The following NRXN1 variants were observed in gnomAD, a reference collection of about 807,000 sequenced individuals.
NRXN1 encodes the protein neurexin-1.
A neutral mutation model predicts 150.9 loss-of-function variants in NRXN1; 39 were observed. The observed-to-expected ratio is 0.26, with a 90% CI of 0.20 to 0.34. The LOEUF is 0.34. NRXN1 is among the 10% of genes least tolerant of loss of function. NRXN1 has a pLI of 1.00. For missense variants in NRXN1, 1,815 were observed against 1,949.9 expected (o/e 0.93, Z 1.30); for synonymous variants, 924 against 757.0 (o/e 1.22, Z -3.62).
At chr2:50,068,770 AT>A (rs915896665) in intron 19 of NRXN1, among the ~76,000 whole-genome samples, 24 of 152,062 alleles carry the variant, frequency 1.6e-4, no homozygotes, top group African/African-American at 5.8e-4. Flanking sequence ...CACAAAAAAT[AT>A]TTTTTTTACC....
At chr2:50,184,168 T>A (rs571103796) in intron 18 of NRXN1, among the ~76,000 whole-genome samples, 52 of 152,216 alleles carry the variant, frequency 3.4e-4, no homozygotes, top group African/African-American at 1.2e-3. Flanking sequence ...ACTTGAATAT[T>A]GTTTTAGTCC....
intron 17 of NRXN1, among the ~76,000 whole-genome samples, chr2:50,443,891 T>C (rs2086179513): frequency 6.6e-6 from 1 of 152,194 alleles, no homozygotes; most frequent in Admixed American, 6.5e-5. Context: ...TAGATTGCCA[T>C]TTGGAAATTT....
intron 19 of NRXN1, among the ~76,000 whole-genome samples, 196 bp from the exon 20 acceptor site, chr2:50,055,240 C>T (rs1277895143): frequency 1.3e-5 from 2 of 152,030 alleles, no homozygotes; most frequent in East Asian, 1.9e-4. Context: ...CAAAATTATT[C>T]CTATGTTAAT....
chr2:49,999,545 C>T (rs545454140), intron 21 of NRXN1, among the ~76,000 whole-genome samples: 6 of 152,122 alleles, frequency 3.9e-5, no homozygotes, highest in Middle Eastern at 3.4e-3. Flanking sequence ...AGGTTCTTTC[C>T]GTATAATTTC....
chr2:50,492,460 C>T (rs770099666), intron 15 of NRXN1, among the ~76,000 whole-genome samples: 40 of 152,130 alleles, frequency 2.6e-4, no homozygotes, highest in Non-Finnish European at 4.3e-4. Context: ...TACATGAGCC[C>T]CAGTTTTCAA....
chr2:50,091,130 C>T (rs1420401213), intron 19 of NRXN1, among the ~76,000 whole-genome samples, 193 bp downstream of exon 19: 1 of 152,192 alleles, frequency 6.6e-6, no homozygotes, highest in African/African-American at 2.4e-5. Flanking sequence ...TTCACGTTCT[C>T]CTATAAAATG....
intron 18 of NRXN1, chr2:50,174,531 T>A (rs2060231913): frequency 6.6e-6 from 1 of 152,190 alleles, no homozygotes; most frequent in Admixed American, 6.6e-5. Flanking sequence ...CAACAGCCAC[T>A]ATACTAGTTA....
chr2:50,307,153 T>G (rs1337417197), intron 17 of NRXN1, among the ~76,000 whole-genome samples: 7 of 152,110 alleles, frequency 4.6e-5, no homozygotes, highest in Non-Finnish European at 1.0e-4. Context: ...CCCAGCTAAT[T>G]TTTGTATTTT....
intron 16 of NRXN1, among the ~76,000 whole-genome samples, chr2:50,469,197 G>A (rs1391184452): frequency 1.3e-5 from 2 of 151,516 alleles, no homozygotes; most frequent in Non-Finnish European, 3.0e-5. Flanking sequence ...AGTGATTTGG[G>A]TTTTAATGAT....
intron 18 of NRXN1, among the ~76,000 whole-genome samples, chr2:50,127,496 A>C (rs542477935): frequency 6.6e-4 from 101 of 152,264 alleles, no homozygotes; most frequent in Admixed American, 1.6e-3. Context: ...AGTTCCTTAG[A>C]GTTCGGTTTT....
At chr2:50,539,569 A>G (rs1256827193) in intron 9 of NRXN1, among the ~76,000 whole-genome samples, 1 of 152,236 alleles carries the variant, frequency 6.6e-6, no homozygotes, top group East Asian at 1.9e-4. Flanking sequence ...CAAAACGTGC[A>G]TACACACTGT....
intron 2 of NRXN1, among the ~76,000 whole-genome samples, chr2:51,002,673 T>C (rs185368945): frequency 6.6e-6 from 1 of 151,868 alleles, no homozygotes; most frequent in Non-Finnish European, 1.5e-5. Flanking sequence ...AGGAGACACA[T>C]CATCAGAAAT....
chr2:50,753,612 T>C (rs978706800), intron 5 of NRXN1, among the ~76,000 whole-genome samples: 14 of 151,896 alleles, frequency 9.2e-5, no homozygotes, highest in Admixed American at 3.9e-4. Context: ...CCATTTCTAG[T>C]TATCTTTTCT....
intron 5 of NRXN1, among the ~76,000 whole-genome samples, chr2:50,901,336 C>A (rs547546003): frequency 5.3e-5 from 8 of 151,910 alleles, no homozygotes; most frequent in Non-Finnish European, 1.0e-4. Context: ...GAGATCGAGA[C>A]CATCCTGGCT....
At chr2:50,391,016 T>C (rs1439168847) in intron 17 of NRXN1, among the ~76,000 whole-genome samples, 2 of 152,132 alleles carry the variant, frequency 1.3e-5, no homozygotes, top group African/African-American at 4.8e-5. Flanking sequence ...TATTCTAATA[T>C]GCTCTGGACT....
chr2:50,727,109 T>C (rs947772251), intron 5 of NRXN1, among the ~76,000 whole-genome samples: 21 of 151,930 alleles, frequency 1.4e-4, no homozygotes, highest in African/African-American at 5.1e-4. Context: ...AAAAAGGTCT[T>C]AAAAAAAATC....
chr2:50,344,387 G>GA (rs1424321864), intron 17 of NRXN1, among the ~76,000 whole-genome samples: 3 of 151,902 alleles, frequency 2.0e-5, no homozygotes, highest in South Asian at 2.1e-4. Context: ...GCCTCTGATT[G>GA]AAAAAAACAA....
At chr2:50,087,340 T>C (rs938507325) in intron 19 of NRXN1, among the ~76,000 whole-genome samples, 1 of 152,140 alleles carries the variant, frequency 6.6e-6, no homozygotes, top group Non-Finnish European at 1.5e-5. Context: ...AAAACGAACA[T>C]TTGACCTTGT....
intron 21 of NRXN1, among the ~76,000 whole-genome samples, chr2:49,986,147 C>T (rs1680868208): frequency 6.6e-6 from 1 of 152,158 alleles, no homozygotes; most frequent in Admixed American, 6.6e-5. Context: ...AACTCAGATG[C>T]CACAGGGCAC....
Sources: gnomAD v4.1 joint callset for allele counts (sites outside exome capture counted in the v4.1 genomes callset) on GRCh38, gnomAD v4.1.1 for gene constraint, MANE v1.5 for transcripts, NCBI Gene and HGNC (gene_info 2026-07-23, HGNC 2026-07-21) for gene names.